The following HMCN1 variants were observed in gnomAD, a reference collection of about 807,000 sequenced individuals.
HMCN1 encodes hemicentin 1, also known as hemicentin-1.
HMCN1 carries 321 observed loss-of-function variants against 625.9 expected under a neutral mutation model. The ratio of observed to expected loss-of-function variants is 0.51; its 90% CI spans 0.47 to 0.56. The LOEUF is 0.56. Ranked by LOEUF, HMCN1 falls within the 20% of genes least tolerant of loss-of-function variation. The pLI is 0.00. For synonymous variants in HMCN1, 2,425 were observed against 2,417.6 expected, an observed-to-expected ratio of 1.00 and a Z score of -0.09; for missense variants, 6,588 against 6,887.3, an observed-to-expected ratio of 0.96 and a Z score of 1.54.
chr1:185,906,951 A>ATTTT (rs573094693), intron 4 of HMCN1, among the ~76,000 whole-genome samples: 7 of 108,614 alleles, frequency 6.4e-5, no homozygotes, highest in Admixed American at 9.6e-5. Flanking sequence ...AATCCTTTCT[A>ATTTT]TTTTTTTTTT....
rs1169872658 is a variant in HMCN1, at chr1:186,015,429, A to T, written c.4901A>T (p.Asp1634Val). 6.2e-7 allele frequency: 1 copy of T among 1,613,376 alleles called. No individual in the cohort carries two copies. The highest frequency in any genetic ancestry group is 8.5e-7 in the Non-Finnish European group (1 of 1,179,630). Residue 1634 changes from aspartate to valine, a missense_variant, in exon 31 of 107, where the codon GAT becomes GTT. Coordinates refer to ENST00000271588, the MANE Select transcript of HMCN1 (RefSeq NM_031935.3). ...ACTGCTGAAAAATCATTCCATGTGGATGTCTATGGTGAGGAACAACATATG... is the reference window on the plus strand; with the variant it reads ...ACTGCTGAAAAATCATTCCATGTGGTTGTCTATGGTGAGGAACAACATATG... ...AGTAEKSFHVDVYVPPMIEGN... is the reference protein window; with the variant it reads ...AGTAEKSFHVVVYVPPMIEGN...
At position 186,144,616 on chromosome 1, in the gene HMCN1, T is replaced by C. The variant is rs763279964; in HGVS notation, c.14179T>C (p.Cys4727Arg). ...AGGTGCCAGACAGAGAACAAGGGGC[T>C]GCTCCGACCCTGTGCCCCAGTATGG... The part of the protein sequence containing the change: ...GGGARQRTRG[C>R]SDPVPQYGGR... Residue 4727 changes from cysteine to arginine, a missense_variant, in exon 91 of 107, where the codon TGC (cysteine) becomes CGC (arginine). Cys to Arg is a radical substitution (Grantham distance 180). Around this residue, in one of 3 missense-constraint regions of HMCN1, gnomAD observed 1,954 missense variants for 2,013.1 expected, o/e 0.97. Coordinates refer to ENST00000271588, the MANE Select transcript of HMCN1 (RefSeq NM_031935.3). 15 of 1,614,026 alleles carry C rather than the reference T, an allele frequency of 9.3e-6. No individual in the cohort carries two copies. The highest frequency in any genetic ancestry group is 1.7e-5 in the Admixed American group (1 of 59,998).
Position 186,120,297 on chromosome 1 carries a change from T to C in HMCN1, c.12229+152T>C, listed in dbSNP as rs1571380312. On this transcript the variant is annotated intron_variant, in intron 80 of 106. Transcript: ENST00000271588. ...ATCCTATTGGTTTTTCTATCACTTTTATGAAGAAAGTTTAATGTATTTTAT... is the reference window on the plus strand; with the variant it reads ...ATCCTATTGGTTTTTCTATCACTTTCATGAAGAAAGTTTAATGTATTTTAT... The C allele has an allele frequency of 6.6e-6, 6 of 909,148 alleles. No individual in the cohort carries two copies. In the Admixed American group the frequency reaches 1.7e-4, roughly 26 times the overall value. The allele number at this position is 909,148 out of a possible 1,614,324, so 56.3% of individuals were successfully genotyped here.
intron 2 of HMCN1, among the ~76,000 whole-genome samples, chr1:185,859,384 T>TA (rs370058181): frequency 1.2e-4 from 19 of 152,250 alleles, no homozygotes; most frequent in Middle Eastern, 3.4e-3. Context: ...GTCCAACAAA[T>TA]AATGTGAACT....
intron 30 of HMCN1, among the ~76,000 whole-genome samples, chr1:186,010,318 A>G (rs1473711231): frequency 6.6e-6 from 1 of 152,206 alleles, no homozygotes; most frequent in African/African-American, 2.4e-5. Flanking sequence ...AAATGGAAGT[A>G]TAGTTCTCTG....
chr1:186,081,060 TA>T, intron 55 of HMCN1, 146 bp from the exon 56 acceptor site: 2 of 774,878 alleles, frequency 2.6e-6, no homozygotes, highest in African/African-American at 1.7e-5. Flanking sequence ...TTTATTAGTA[TA>T]AAATGTTACC....
intron 99 of HMCN1, 69 bp downstream of exon 99, chr1:186,166,372 A>T (rs1486933727): frequency 6.3e-7 from 1 of 1,581,556 alleles, no homozygotes; most frequent in Non-Finnish European, 8.7e-7. Context: ...AAAAAGTATG[A>T]TAGACCCATT....
In HMCN1 at chr1:186,110,661, A is replaced by G. The variant is rs562703710; in HGVS notation, c.10989+2064A>G. Among the ~76,000 whole-genome samples the G allele has an allele frequency of 2.6e-4, 40 of 152,272 alleles. 3 individuals are homozygous for G. In the South Asian group the frequency reaches 7.9e-3, roughly 30 times the overall value. On this transcript the variant is annotated intron_variant, in intron 71 of 106. Coordinates refer to ENST00000271588, the MANE Select transcript of HMCN1 (RefSeq NM_031935.3). ...TATGTGTATTTGCTGAAAGAAAGAG[A>G]TTGGAGACAGAGGAGAGAGAAAGAG...
chr1:185,966,043 T>A (rs1650388291), intron 14 of HMCN1, 128 bp downstream of exon 14: 1 of 698,680 alleles, frequency 1.4e-6, no homozygotes, highest in Non-Finnish European at 2.6e-6. Context: ...ATGATCTCAC[T>A]GGAGACAATA....
intron 53 of HMCN1, among the ~76,000 whole-genome samples, chr1:186,075,180 A>G (rs997225543): frequency 6.6e-6 from 1 of 152,094 alleles, no homozygotes; most frequent in Non-Finnish European, 1.5e-5. Context: ...ACTTTATATC[A>G]TGAAGTTTTA....
At position 185,856,226 on chromosome 1, in the gene HMCN1, C is replaced by T. The variant is rs145920496; in HGVS notation, c.340-8244C>T. Among the ~76,000 whole-genome samples the T allele has an allele frequency of 3.5e-4, 53 of 152,220 alleles. 1 individual carries two copies. The highest frequency in any genetic ancestry group is 1.9e-3 in the East Asian group (10 of 5,162). On this transcript the variant is annotated intron_variant, in intron 2 of 106. Coordinates refer to ENST00000271588, the MANE Select transcript of HMCN1 (RefSeq NM_031935.3). ...GCTTTAGACTAGGCGTGGTGGCTCA[C>T]GCCTGTAATCCCAGCACTTTGGGAG...
rs541798936 is a variant in HMCN1, at chr1:185,950,252, C to T, written c.1829-12266C>T. ...GAGTACAGCTGAAGGAGCCGGGAAG[C>T]AGAAAGTATATGCGTCAGGTATGAG... is the stretch of plus-strand genomic sequence containing the variant. On this transcript the variant is annotated intron_variant, in intron 11 of 106. Transcript: ENST00000271588. Among the ~76,000 whole-genome samples the T allele has an allele frequency of 4.0e-4, 60 of 151,572 alleles. 2 individuals carry two copies. Among genetic ancestry groups the T allele is most frequent in the African/African-American group, 1.4e-3 (59 of 41,014 alleles).
chr1:186,187,648 A>AT (rs369524629), intron 105 of HMCN1, among the ~76,000 whole-genome samples: 10 of 152,086 alleles, frequency 6.6e-5, no homozygotes, highest in South Asian at 2.1e-4. Flanking sequence ...TATAGCTCTC[A>AT]TTTTTTTTAT....
At chr1:186,168,871 G>A (rs529848145) in intron 100 of HMCN1, among the ~76,000 whole-genome samples, 65 of 152,068 alleles carry the variant, frequency 4.3e-4, no homozygotes, top group African/African-American at 1.4e-3. Context: ...CCATCAACCC[G>A]TCACCTACAT....
At chr1:185,801,729 G>T (rs1195635376) in intron 1 of HMCN1, among the ~76,000 whole-genome samples, 1 of 152,176 alleles carries the variant, frequency 6.6e-6, no homozygotes, top group Admixed American at 6.5e-5. Flanking sequence ...GGAACGGACA[G>T]AGAGGAAAGG....
Position 186,038,973 on chromosome 1 carries a change from C to T in HMCN1, c.5996C>T (p.Ala1999Val). ...TGCGTGGCCATCAACTCAGCTGGAG[C>T]TACAGAGTTATTTTACAGTCTGCAA... ...YKCVAINSAGATELFYSLQVH... is the reference protein window; with the variant it reads ...YKCVAINSAGVTELFYSLQVH... Residue 1999 changes from alanine to valine, a missense_variant, in exon 38 of 107, where the codon GCT becomes GTT. This residue lies in a region of HMCN1 where 4,628 missense variants were observed against 4,853.1 expected (regional missense o/e 0.95). Transcript: ENST00000271588. 6.2e-7 allele frequency: 1 copy of T among 1,612,870 alleles called. No homozygotes were observed. Among genetic ancestry groups the T allele is most frequent in the Non-Finnish European group, 8.5e-7 (1 of 1,179,016 alleles).
chr1:186,178,829 C>T (rs536931403), intron 104 of HMCN1, 63 bp downstream of exon 104: 8 of 1,094,608 alleles, frequency 7.3e-6, no homozygotes, highest in African/African-American at 3.1e-5. Context: ...AGTATGTGTA[C>T]AGCACCTGTG....
chr1:185,959,813 C>T (rs1332069038), intron 11 of HMCN1, among the ~76,000 whole-genome samples: 1 of 151,990 alleles, frequency 6.6e-6, no homozygotes, highest in Non-Finnish European at 1.5e-5. Flanking sequence ...TTTTACATTG[C>T]AAATAAAGAG....
At chr1:185,776,994 G>A (rs1656660685) in intron 1 of HMCN1, among the ~76,000 whole-genome samples, 1 of 152,202 alleles carries the variant, frequency 6.6e-6, no homozygotes, top group Admixed American at 6.5e-5. Context: ...AGACAGTGCA[G>A]TTATGCAGCA....
Sources: allele counts gnomAD v4.1 joint callset (sites outside exome capture counted in the v4.1 genomes callset), GRCh38; gene constraint gnomAD v4.1.1; regional missense constraint gnomAD v4.1.1; transcripts MANE v1.5; gene names NCBI Gene and HGNC (gene_info 2026-07-23, HGNC 2026-07-21).